Variants in POLD3 observed in about 807,000 individuals in gnomAD.
The protein encoded by POLD3 is DNA polymerase delta 3, accessory subunit, also known as DNA polymerase delta subunit 3.
Under a neutral mutation model 58.2 loss-of-function variants are expected in POLD3, and 19 were observed. The observed-to-expected ratio is 0.33, with a 90% CI of 0.23 to 0.48. POLD3 has a LOEUF of 0.48. Among genes scored for constraint, POLD3 ranks in the 20% least tolerant of loss-of-function variants. The pLI, the probability that POLD3 is intolerant of heterozygous loss-of-function variation, is 0.99. For synonymous variants in POLD3, 172 were observed against 193.5 expected, an observed-to-expected ratio of 0.89 and a Z score of 0.92; for missense variants, 504 against 545.5, an observed-to-expected ratio of 0.92 and a Z score of 0.76.
chr11:74,605,136 G>C (rs1397578169), intron 3 of POLD3, among the ~76,000 whole-genome samples: 1 of 152,120 alleles, frequency 6.6e-6, no homozygotes, highest in African/African-American at 2.4e-5. Context: ...GAATACAAGT[G>C]TTCAAAAATT....
chr11:74,636,298 AATCCAGAG>A (rs771346997), intron 11 of POLD3, 23 bp downstream of exon 11: 1 of 1,610,682 alleles, frequency 6.2e-7, no homozygotes, highest in South Asian at 1.1e-5. Flanking sequence ...TTTGGCTCCA[AATCCAGAG>A]ATAGAATCTC....
At chr11:74,624,757 T>G (rs1012564868) in intron 7 of POLD3, among the ~76,000 whole-genome samples, 2 of 152,032 alleles carry the variant, frequency 1.3e-5, no homozygotes, top group African/African-American at 4.8e-5. Context: ...GGAGTTAAAC[T>G]GACTTTGGTT....
intron 9 of POLD3, among the ~76,000 whole-genome samples, chr11:74,634,043 T>C (rs2032674880): frequency 6.6e-6 from 1 of 152,210 alleles, no homozygotes; most frequent in Non-Finnish European, 1.5e-5. Context: ...ACCTGAGGAT[T>C]ATCTCCACAT....
At chr11:74,604,946 TTAAATC>T (rs142337506) in intron 3 of POLD3, 152 bp downstream of exon 3, 219 of 574,570 alleles carry the variant, frequency 3.8e-4, no homozygotes, top group African/African-American at 3.8e-3. Context: ...GATTTTTAGA[TTAAATC>T]TAAAACTGAG....
intron 3 of POLD3, among the ~76,000 whole-genome samples, chr11:74,606,330 T>C (rs2031672771): frequency 6.6e-6 from 1 of 152,238 alleles, no homozygotes; most frequent in African/African-American, 2.4e-5. Context: ...CTTGAATGGA[T>C]ACTGTCAAAG....
At chr11:74,598,003 C>T (rs2031338668) in intron 2 of POLD3, among the ~76,000 whole-genome samples, 2 of 151,964 alleles carry the variant, frequency 1.3e-5, no homozygotes, top group African/African-American at 4.8e-5. Context: ...ATTGTCTGAG[C>T]CCGGGAGTTC....
At chr11:74,609,949 C>G (rs1189497692) in intron 3 of POLD3, among the ~76,000 whole-genome samples, 1 of 152,018 alleles carries the variant, frequency 6.6e-6, no homozygotes, top group African/African-American at 2.4e-5. Flanking sequence ...ATTAATAGTG[C>G]TGTAGTGAAT....
chr11:74,665,884 G>T (rs1008758938), intron 4 of POLD3, among the ~76,000 whole-genome samples: 1 of 152,154 alleles, frequency 6.6e-6, no homozygotes, highest in Non-Finnish European at 1.5e-5. Context: ...ATTCAACATT[G>T]TACTGGAGGC....
intron 3 of POLD3, among the ~76,000 whole-genome samples, chr11:74,607,440 TG>T (rs2031727507): frequency 6.6e-6 from 1 of 150,630 alleles, no homozygotes; most frequent in East Asian, 1.9e-4. Context: ...TTTTTTTTTT[TG>T]TATTTTTAGT....
In POLD3 at chr11:74,594,091, G is replaced by A; in HGVS notation, c.91G>A (p.Gly31Arg). 6.2e-7 allele frequency: 1 copy of A among 1,605,980 alleles called. No individual in the cohort carries two copies. Among genetic ancestry groups the A allele is most frequent in the Non-Finnish European group, 8.5e-7 (1 of 1,172,858 alleles). The change falls in exon 2 of 12, where the codon GGG (glycine) becomes AGG (arginine). Residue 31 changes from glycine to arginine, a missense_variant. Gly to Arg is a moderately radical substitution (Grantham distance 125). This residue lies in a region of POLD3 where 119 missense variants were observed against 175.0 expected (regional missense o/e 0.68). Coordinates refer to ENST00000263681, the MANE Select transcript of POLD3 (RefSeq NM_006591.3). Reference sequence around the variant, plus strand: ...ATACAAATGGCTGAGCTATACACTAGGGGTTCATGTTAACCAGGCCAAACA... The same window carrying A: ...ATACAAATGGCTGAGCTATACACTAAGGGTTCATGTTAACCAGGCCAAACA... ...VTYKWLSYTL[G>R]VHVNQAKQML...
chr11:74,650,357 C>G (rs1413701369), intron 4 of POLD3, among the ~76,000 whole-genome samples: 1 of 152,202 alleles, frequency 6.6e-6, no homozygotes, highest in African/African-American at 2.4e-5. Flanking sequence ...CCTGACTCCC[C>G]TTTGTCCCAC....
intron 3 of POLD3, among the ~76,000 whole-genome samples, chr11:74,608,297 T>A (rs908880890): frequency 2.6e-5 from 4 of 152,164 alleles, no homozygotes; most frequent in African/African-American, 7.2e-5. Flanking sequence ...TTATTTTTAT[T>A]TTTATTAGAG....
intron 1 of POLD3, chr11:74,593,016 G>C: frequency 4.0e-6 from 5 of 1,258,204 alleles, no homozygotes; most frequent in Non-Finnish European, 5.0e-6. Flanking sequence ...GTTCTAAGGC[G>C]TCCCTACACC....
chr11:74,637,743 C>T (rs1206090956), intron 11 of POLD3, among the ~76,000 whole-genome samples: 5 of 150,996 alleles, frequency 3.3e-5, no homozygotes, highest in African/African-American at 4.9e-5. Context: ...TTTTGCACTC[C>T]TGTCTCCAGA....
intron 3 of POLD3, among the ~76,000 whole-genome samples, chr11:74,609,356 A>T: frequency 4.4e-5 from 1 of 22,950 alleles, no homozygotes; most frequent in Non-Finnish European, 7.1e-5. Flanking sequence ...ATATATATAT[A>T]TATATATATA....
intron 2 of POLD3, among the ~76,000 whole-genome samples, chr11:74,600,187 G>T (rs541724209): frequency 6.6e-6 from 1 of 151,972 alleles, no homozygotes; most frequent in African/African-American, 2.4e-5. Flanking sequence ...CTCGTGATCC[G>T]CCTGCCTCGG....
At chr11:74,661,842 C>A (rs1468464892) in intron 4 of POLD3, among the ~76,000 whole-genome samples, 2 of 152,210 alleles carry the variant, frequency 1.3e-5, no homozygotes, top group Admixed American at 6.5e-5. Context: ...GAGTAAAAAA[C>A]CTTATAAATC....
At chr11:74,646,636 T>G (rs1203753672), downstream of POLD3, among the ~76,000 whole-genome samples, 1 of 152,244 alleles carries the variant, frequency 6.6e-6, no homozygotes, top group Non-Finnish European at 1.5e-5. Context: ...ATTGTTTTCC[T>G]TGAAAAAGCT....
chr11:74,636,502 T>C (rs910536827), intron 11 of POLD3, among the ~76,000 whole-genome samples: 9 of 152,204 alleles, frequency 5.9e-5, no homozygotes, highest in Middle Eastern at 3.2e-3. Context: ...AGCACTGAGA[T>C]CTTGGCTAAA....
Sources: allele counts gnomAD v4.1 joint callset (sites outside exome capture counted in the v4.1 genomes callset), GRCh38; gene constraint gnomAD v4.1.1; regional missense constraint gnomAD v4.1.1; transcripts MANE v1.5; gene names NCBI Gene and HGNC (gene_info 2026-07-23, HGNC 2026-07-21).